Variants in ABLIM1 observed in about 807,000 individuals in gnomAD.
ABLIM1 encodes the protein actin-binding LIM protein 1.
A neutral mutation model predicts 107.0 loss-of-function variants in ABLIM1; 40 were observed. That is an observed-to-expected ratio of 0.37 (90% CI 0.29 to 0.49). The LOEUF is 0.49. ABLIM1 is among the 20% of genes least tolerant of loss of function. The pLI is 0.97. For synonymous variants in ABLIM1, 357 were observed against 357.3 expected (o/e 1.00, Z 0.01); for missense variants, 857 against 1,008.5 (o/e 0.85, Z 2.04).
At position 114,451,602 on chromosome 10, in the gene ABLIM1, C is replaced by G. The variant is rs186047601; in HGVS notation, c.1594+22G>C. The G allele has an allele frequency of 1.9e-6, 3 of 1,604,876 alleles. No homozygotes were observed. In the South Asian group the frequency reaches 3.3e-5, roughly 18 times the overall value. On this transcript the variant is annotated intron_variant, in intron 14 of 22. Transcript: ENST00000533213. ...AGCTGACTTTGCTATTTAAAAGCTA[C>G]GCGGAGGAAAGCGGGTTTTACCATG...
chr10:114,506,549 A>C (rs972877695), intron 6 of ABLIM1, among the ~76,000 whole-genome samples: 3 of 152,274 alleles, frequency 2.0e-5, no homozygotes, highest in African/African-American at 4.8e-5. Context: ...AATAATAGCC[A>C]TTCTGACTAG....
At position 114,432,463 on chromosome 10, in the gene ABLIM1, T is replaced by C. The variant is rs1255735560; in HGVS notation, c.*3797A>G. The C allele has an allele frequency of 6.6e-6, 1 of 152,246 alleles. No homozygotes were observed. Among genetic ancestry groups the C allele is most frequent in the Non-Finnish European group, 1.5e-5 (1 of 68,046 alleles). The allele number at this position is 152,246 out of a possible 1,614,324, so 9.4% of individuals were successfully genotyped here. A position where few individuals can be genotyped will look rare whatever the true frequency, so the allele number is the denominator to read the frequency against. ...AGACCCAGTTAGCTTTAAATGGTTT[T>C]TAGAAAGACTTACCTAGTCAAAAGT... On this transcript the variant is annotated 3_prime_UTR_variant, in exon 23 of 23. Transcript: ENST00000533213.
chr10:114,745,797 C>T (rs1037026145), intron 1 of ABLIM1, among the ~76,000 whole-genome samples: 5 of 152,014 alleles, frequency 3.3e-5, no homozygotes, highest in African/African-American at 9.7e-5. Context: ...GCTGAGATTG[C>T]GCCATTGCTC....
intron 6 of ABLIM1, among the ~76,000 whole-genome samples, chr10:114,504,953 A>G (rs1449034489): frequency 6.6e-6 from 1 of 152,124 alleles, no homozygotes; most frequent in African/African-American, 2.4e-5. Flanking sequence ...TGGAGAGAGG[A>G]TGAAGTAGGT....
chr10:114,506,332 T>C (rs962180101), intron 6 of ABLIM1, among the ~76,000 whole-genome samples: 9 of 152,162 alleles, frequency 5.9e-5, no homozygotes, highest in African/African-American at 2.2e-4. Flanking sequence ...TACAAGTGCA[T>C]GTGTCTTTTT....
intron 20 of ABLIM1, 88 bp downstream of exon 20, chr10:114,439,993 GA>G (rs1313566432): frequency 8.4e-5 from 135 of 1,603,552 alleles, no homozygotes; most frequent in Non-Finnish European, 1.1e-4. Context: ...CTTCTCAACA[GA>G]AACTGTTGCC....
intron 1 of ABLIM1, among the ~76,000 whole-genome samples, chr10:114,641,631 A>T (rs2078758973): frequency 6.6e-6 from 1 of 152,204 alleles, no homozygotes; most frequent in African/African-American, 2.4e-5. Flanking sequence ...GGCCTCTTTG[A>T]GGACGTGCTA....
chr10:114,565,619 C>T (rs2070562883), intron 4 of ABLIM1, among the ~76,000 whole-genome samples: 1 of 151,944 alleles, frequency 6.6e-6, no homozygotes. Context: ...CCTTGGCAGA[C>T]AGTTCTCACT....
At chr10:114,445,260 G>T in intron 16 of ABLIM1, 52 bp downstream of exon 16, 1 of 1,496,272 alleles carries the variant, frequency 6.7e-7, no homozygotes, top group South Asian at 1.1e-5. Flanking sequence ...AAAAAATATA[G>T]ATCTTATGTA....
At chr10:114,720,846 C>G (rs185964582) in intron 1 of ABLIM1, among the ~76,000 whole-genome samples, 2 of 152,300 alleles carry the variant, frequency 1.3e-5, no homozygotes, top group African/African-American at 2.4e-5. Context: ...TTGCCTGCCA[C>G]TTACTTTCAG....
intron 6 of ABLIM1, among the ~76,000 whole-genome samples, chr10:114,520,372 C>T (rs1299909124): frequency 6.6e-6 from 1 of 152,096 alleles, no homozygotes; most frequent in Non-Finnish European, 1.5e-5. Context: ...TGTAGAAGAA[C>T]TCTGTCAGGT....
At chr10:114,677,623 A>G (rs1486845920) in intron 1 of ABLIM1, among the ~76,000 whole-genome samples, 2 of 152,108 alleles carry the variant, frequency 1.3e-5, no homozygotes, top group African/African-American at 2.4e-5. Flanking sequence ...AAGATACAAA[A>G]AATGAGCCAT....
At chr10:114,632,857 G>C in intron 1 of ABLIM1, 1 of 914,570 alleles carries the variant, frequency 1.1e-6, no homozygotes, top group Non-Finnish European at 1.3e-6. Context: ...CCACCACCAG[G>C]ATCAGCCTAA....
chr10:114,568,196 C>CAAAAAAAAAAAAAA (rs34861242), intron 4 of ABLIM1, among the ~76,000 whole-genome samples: 2 of 52,392 alleles, frequency 3.8e-5, no homozygotes, highest in African/African-American at 1.4e-4. Flanking sequence ...GACTCCGTCT[C>CAAAAAAAAAAAAAA]AAAAAAAAAA....
chr10:114,786,000 A>G, the ABLIM1 span, among the ~76,000 whole-genome samples: 2 of 152,208 alleles, frequency 1.3e-5, no homozygotes, highest in Admixed American at 1.3e-4. Context: ...AAGTGCTGGG[A>G]TTACAGGCAT....
chr10:114,473,014 C>A lies in ABLIM1; in HGVS notation c.1238G>T (p.Gly413Val), dbSNP rs1396092690. The A allele has an allele frequency of 1.9e-6, 3 of 1,608,458 alleles. No individual in the cohort carries two copies. Among genetic ancestry groups the A allele is most frequent in the Non-Finnish European group, 2.5e-6 (3 of 1,177,020 alleles). The part of the protein sequence containing the change: ...LITYEPFYTS[G>V]YDDKQERQSL... The stretch of plus-strand genomic sequence containing the variant: ...CTGTCTCTCCTGTTTGTCATCATAG[C>A]CCGAAGTGTAGAAAGGCTCATAGGT... The change falls in exon 10 of 23, where the codon GGC (glycine) becomes GTC (valine). Residue 413 changes from glycine (G) to valine (V), a missense_variant. Physicochemically the swap from Gly to Val is moderately radical, Grantham distance 109. Coordinates refer to ENST00000533213, the MANE Select transcript of ABLIM1 (RefSeq NM_002313.7).
intron 1 of ABLIM1, among the ~76,000 whole-genome samples, chr10:114,750,583 A>C (rs867571649): frequency 2.0e-5 from 3 of 152,222 alleles, no homozygotes; most frequent in South Asian, 2.1e-4. Context: ...CTGAATTTTA[A>C]AAGTATATTA....
intron 1 of ABLIM1, among the ~76,000 whole-genome samples, chr10:114,754,331 G>T (rs368024165): frequency 6.6e-6 from 1 of 152,138 alleles, no homozygotes; most frequent in Admixed American, 6.5e-5. Context: ...AGATGGCAAC[G>T]TTTCTCCTCC....
intron 19 of ABLIM1, 147 bp from the exon 20 acceptor site, chr10:114,440,236 TC>T: frequency 1.2e-6 from 1 of 814,718 alleles, no homozygotes; most frequent in Non-Finnish European, 2.0e-6. Flanking sequence ...GCACATGTTA[TC>T]CCATCAGCCT....
Sources: gnomAD v4.1 joint callset for allele counts (sites outside exome capture counted in the v4.1 genomes callset) on GRCh38, gnomAD v4.1.1 for gene constraint, MANE v1.5 for transcripts, NCBI Gene and HGNC (gene_info 2026-07-23, HGNC 2026-07-21) for gene names.